DYNC2I1: variants seen among roughly 807,000 people sequenced by gnomAD.
DYNC2I1 encodes the protein cytoplasmic dynein 2 intermediate chain 1.
A neutral mutation model predicts 133.4 loss-of-function variants in DYNC2I1; 89 were observed. The observed-to-expected ratio is 0.67, with a 90% CI of 0.56 to 0.80. The LOEUF (loss-of-function observed/expected upper bound fraction) is 0.80, where lower values mean the gene tolerates loss of function less well. Ranked by LOEUF, DYNC2I1 falls within the 30% of genes least tolerant of loss-of-function variation. The probability of loss-of-function intolerance (pLI) is 0.00; values close to 1 mark genes in which losing one functional copy is unlikely to be tolerated. For synonymous variants in DYNC2I1, 504 were observed against 484.3 expected (o/e 1.04, Z -0.54); for missense variants, 1,291 against 1,314.5 (o/e 0.98, Z 0.28).
intron 5 of DYNC2I1, among the ~76,000 whole-genome samples, chr7:158,884,342 G>T (rs1360068807): frequency 6.6e-6 from 1 of 152,196 alleles, no homozygotes; most frequent in Non-Finnish European, 1.5e-5. Context: ...ACCGTGCCCA[G>T]CATAATCACC....
chr7:158,907,568 TC>T (rs1434485571), intron 11 of DYNC2I1, among the ~76,000 whole-genome samples: 1 of 151,760 alleles, frequency 6.6e-6, no homozygotes, highest in East Asian at 1.9e-4. Context: ...CCTTTTCCTT[TC>T]CCTTTCCCTT....
chr7:158,931,038 T>G (rs1850168633), intron 21 of DYNC2I1, among the ~76,000 whole-genome samples: 1 of 152,008 alleles, frequency 6.6e-6, no homozygotes, highest in Non-Finnish European at 1.5e-5. Context: ...ATTTTGTCAT[T>G]AAGTAGAGGT....
the DYNC2I1 span, among the ~76,000 whole-genome samples, chr7:158,839,973 G>A: frequency 1.8e-4 from 27 of 151,230 alleles, 1 homozygote; most frequent in Non-Finnish European, 3.1e-4. Context: ...CACCACACCC[G>A]GCTAATTGAA....
intron 10 of DYNC2I1, chr7:158,903,415 TTTAAA>T (rs2129483722): frequency 1.3e-5 from 2 of 152,304 alleles, no homozygotes; most frequent in South Asian, 4.1e-4. Context: ...GACGTACTAC[TTTAAA>T]TTATCTAGTA....
chr7:158,863,469 AAAT>A (rs996647162), intron 1 of DYNC2I1, among the ~76,000 whole-genome samples: 6 of 151,906 alleles, frequency 3.9e-5, no homozygotes, highest in Admixed American at 6.6e-5. Flanking sequence ...GAGACTCTTT[AAAT>A]AATAATAATA....
chr7:158,877,125 G>A (rs376957415), intron 4 of DYNC2I1, among the ~76,000 whole-genome samples: 3 of 152,214 alleles, frequency 2.0e-5, no homozygotes, highest in Admixed American at 1.3e-4. Context: ...TTCAGTGAGC[G>A]TGCAACTTGG....
chr7:158,879,736 A>G lies in DYNC2I1; in HGVS notation c.626A>G (p.Glu209Gly), dbSNP rs1365281013. The G allele has an allele frequency of 6.2e-7, 1 of 1,600,868 alleles. No individual in the cohort carries two copies. The highest frequency in any genetic ancestry group is 8.5e-7 in the Non-Finnish European group (1 of 1,176,752). The change falls in exon 5 of 25, where the codon GAA becomes GGA. Residue 209 changes from glutamate to glycine, a missense_variant. Coordinates refer to ENST00000407559, the MANE Select transcript of DYNC2I1 (RefSeq NM_018051.5). ...DNPLKYWLYKEEGERRHRKPR... is the reference protein window; with the variant it reads ...DNPLKYWLYKGEGERRHRKPR... ...CCTCTCAAGTACTGGCTTTATAAAG[A>G]AGAAGGCGAGAGGAGACACAGGAAG...
chr7:158,866,519 G>A (rs989453696), intron 1 of DYNC2I1, among the ~76,000 whole-genome samples: 4 of 152,010 alleles, frequency 2.6e-5, no homozygotes, highest in East Asian at 1.9e-4. Flanking sequence ...CTGGTCACTC[G>A]TGTCCTGGGT....
intron 1 of DYNC2I1, among the ~76,000 whole-genome samples, chr7:158,858,205 A>C (rs1480199862): frequency 6.6e-6 from 1 of 152,128 alleles, no homozygotes; most frequent in Non-Finnish European, 1.5e-5. Flanking sequence ...CTTCTATGCT[A>C]TTCTCTTTAC....
intron 7 of DYNC2I1, among the ~76,000 whole-genome samples, chr7:158,887,845 C>T (rs868524602): frequency 2.6e-5 from 4 of 152,090 alleles, no homozygotes; most frequent in Non-Finnish European, 5.9e-5. Context: ...TGTATTTATG[C>T]ACAGGGAGAA....
intron 8 of DYNC2I1, among the ~76,000 whole-genome samples, chr7:158,897,723 G>A (rs183344658): frequency 1.9e-4 from 29 of 151,976 alleles, no homozygotes; most frequent in Non-Finnish European, 3.5e-4. Context: ...TTTCTCTGTT[G>A]ATTTCCTATT....
intron 4 of DYNC2I1, 27 bp from the exon 5 acceptor site, chr7:158,879,657 T>G (rs1226538497): frequency 6.5e-7 from 1 of 1,542,996 alleles, no homozygotes; most frequent in Admixed American, 2.2e-5. Flanking sequence ...TGTGCTCCTG[T>G]GTTTCTCAGC....
At chr7:158,908,208 A>C (rs554900100) in intron 11 of DYNC2I1, among the ~76,000 whole-genome samples, 8 of 152,118 alleles carry the variant, frequency 5.3e-5, no homozygotes, top group African/African-American at 1.9e-4. Context: ...CATTTAGTAA[A>C]TCAACTTGAA....
the DYNC2I1 span, among the ~76,000 whole-genome samples, chr7:158,843,602 G>A: frequency 1.3e-5 from 2 of 151,986 alleles, no homozygotes; most frequent in Non-Finnish European, 2.9e-5. Flanking sequence ...TGCTATGTTG[G>A]TCAGGCTGGT....
Position 158,923,680 on chromosome 7 carries a change from C to CT in DYNC2I1, c.2205dup (p.Val736CysfsTer69). 1 of 1,614,020 alleles carries CT rather than the reference C, an allele frequency of 6.2e-7. No homozygotes were observed. Among genetic ancestry groups the CT allele is most frequent in the Non-Finnish European group, 8.5e-7 (1 of 1,179,892 alleles). ...AGAGAAGACTCAAGGCTGCATTACT[C>CT]TGTGACGCTGAGCGATGGCTTCTGG... On this transcript the variant is annotated frameshift_variant, in exon 17 of 25. Transcript: ENST00000407559. LOFTEE classifies it high-confidence loss of function.
chr7:158,911,829 A>C, intron 12 of DYNC2I1, 150 bp downstream of exon 12: 1 of 1,101,260 alleles, frequency 9.1e-7, no homozygotes, highest in African/African-American at 1.6e-5. Flanking sequence ...ACCCATCTTC[A>C]CATGGGGCCC....
At chr7:158,845,633 ACTTAAC>A in the DYNC2I1 span, among the ~76,000 whole-genome samples, 44 of 152,352 alleles carry the variant, frequency 2.9e-4, no homozygotes, top group African/African-American at 1.0e-3. Context: ...ATGCCCGTAT[ACTTAAC>A]CTTAACTTTA....
At chr7:158,840,957 C>T in the DYNC2I1 span, among the ~76,000 whole-genome samples, 1 of 152,096 alleles carries the variant, frequency 6.6e-6, no homozygotes, top group Admixed American at 6.5e-5. Flanking sequence ...TCCACTCCCT[C>T]TCCACCAGCC....
Position 158,871,197 on chromosome 7 carries a change from G to T in DYNC2I1, c.125G>T (p.Arg42Leu), listed in dbSNP as rs570063370. 3.7e-6 allele frequency: 6 copies of T among 1,613,780 alleles called. No individual in the cohort carries two copies. Among genetic ancestry groups the T allele is most frequent in the Non-Finnish European group, 5.1e-6 (6 of 1,179,768 alleles). The change falls in exon 3 of 25, where the codon CGT (arginine) becomes CTT (leucine). Residue 42 changes from arginine to leucine, a missense_variant. By Grantham distance (102) the Arg-to-Leu change is moderately radical (BLOSUM62 -2). Transcript: ENST00000407559. ...AGAAAGCACAGAGAGAAGAAGCTGCGTAAGGAGTCTGAGATGGACCTTCCT... is the reference window on the plus strand; with the variant it reads ...AGAAAGCACAGAGAGAAGAAGCTGCTTAAGGAGTCTGAGATGGACCTTCCT... ...EERKHREKKL[R>L]KESEMDLPEH...
Sources: allele counts gnomAD v4.1 joint callset (sites outside exome capture counted in the v4.1 genomes callset), GRCh38; gene constraint gnomAD v4.1.1; transcripts MANE v1.5; gene names NCBI Gene and HGNC (gene_info 2026-07-23, HGNC 2026-07-21).